Variants in FTO observed in about 807,000 individuals in gnomAD.
FTO encodes the protein alpha-ketoglutarate-dependent dioxygenase FTO.
A neutral mutation model predicts 63.9 loss-of-function variants in FTO; 47 were observed. That is an observed-to-expected ratio of 0.74 (90% confidence interval 0.58 to 0.94). The LOEUF (loss-of-function observed/expected upper bound fraction) is 0.94. Ranked by LOEUF, FTO falls within the 40% of genes least tolerant of loss-of-function variation. The probability of loss-of-function intolerance (pLI) is 0.00; values close to 1 mark genes in which losing one functional copy is unlikely to be tolerated. For missense variants in FTO, 562 were observed against 618.1 expected (o/e 0.91, Z 0.96); for synonymous variants, 207 against 224.4 (o/e 0.92, Z 0.69).
chr16:54,012,597 C>G (rs1199579854), intron 8 of FTO, among the ~76,000 whole-genome samples: 3 of 152,122 alleles, frequency 2.0e-5, no homozygotes, highest in Non-Finnish European at 4.4e-5. Context: ...AATGCCTGAC[C>G]TCAAAGCTTC....
intron 7 of FTO, among the ~76,000 whole-genome samples, chr16:53,928,207 A>T (rs570296679): frequency 8.5e-5 from 13 of 152,232 alleles, no homozygotes; most frequent in African/African-American, 2.6e-4. Flanking sequence ...TTCTATTGAA[A>T]AAAAGTACTA....
chr16:54,048,236 A>G (rs2085227296), intron 8 of FTO, among the ~76,000 whole-genome samples: 4 of 136,786 alleles, frequency 2.9e-5, no homozygotes. Flanking sequence ...AAAATAAAAA[A>G]TAAAAAAATA....
chr16:54,073,697 C>T (rs1190375829), intron 8 of FTO, among the ~76,000 whole-genome samples: 1 of 151,982 alleles, frequency 6.6e-6, no homozygotes, highest in Non-Finnish European at 1.5e-5. Context: ...CTCCTCCCAC[C>T]TCAGCCTCCC....
chr16:53,941,029 G>A (rs1015566809), intron 8 of FTO, among the ~76,000 whole-genome samples: 8 of 152,100 alleles, frequency 5.3e-5, no homozygotes, highest in East Asian at 1.9e-4. Context: ...AACTTTGATC[G>A]GGGCTCAACA....
At chr16:53,992,613 T>C (rs1202003841) in intron 8 of FTO, 1 of 152,146 alleles carries the variant, frequency 6.6e-6, no homozygotes, top group African/African-American at 2.4e-5. Flanking sequence ...ACAGTGGTTG[T>C]TCCCTCTCGG....
At chr16:54,020,568 G>T (rs1446312309) in intron 8 of FTO, among the ~76,000 whole-genome samples, 1 of 148,890 alleles carries the variant, frequency 6.7e-6, no homozygotes. Flanking sequence ...TGGGAAAAAT[G>T]ACTTGAATCA....
intron 1 of FTO, among the ~76,000 whole-genome samples, chr16:53,785,276 C>T (rs2077704702): frequency 6.6e-6 from 1 of 152,056 alleles, no homozygotes; most frequent in Non-Finnish European, 1.5e-5. Flanking sequence ...ACTGCATATT[C>T]CCAGTAATTG....
chr16:54,065,473 T>A (rs1235291443), intron 8 of FTO, among the ~76,000 whole-genome samples: 2 of 152,158 alleles, frequency 1.3e-5, no homozygotes, highest in African/African-American at 4.8e-5. Flanking sequence ...CCACAGTTAC[T>A]CATTCTGCTG....
chr16:53,838,313 G>A (rs186174167), intron 3 of FTO, among the ~76,000 whole-genome samples: 3 of 152,236 alleles, frequency 2.0e-5, no homozygotes, highest in Admixed American at 6.5e-5. Flanking sequence ...TCACAAGGGT[G>A]GGAATCTTCT....
chr16:53,894,801 G>C (rs1287471436), intron 7 of FTO, among the ~76,000 whole-genome samples: 1 of 152,072 alleles, frequency 6.6e-6, no homozygotes, highest in South Asian at 2.1e-4. Context: ...GATGTCTAGT[G>C]GTTTTAAATT....
At chr16:54,088,582 A>G (rs1250047791) in intron 8 of FTO, among the ~76,000 whole-genome samples, 2 of 152,212 alleles carry the variant, frequency 1.3e-5, no homozygotes, top group Non-Finnish European at 2.9e-5. Flanking sequence ...AAAAACAACT[A>G]TGAGATATTT....
intron 8 of FTO, among the ~76,000 whole-genome samples, chr16:54,110,452 A>G (rs1338683739): frequency 6.6e-6 from 1 of 152,230 alleles, no homozygotes; most frequent in Non-Finnish European, 1.5e-5. Context: ...AGCTGAAGAT[A>G]TATTAGAATG....
Position 53,780,084 on chromosome 16 carries a change from C to T in FTO, c.46-30056C>T, listed in dbSNP as rs565401439. Among the ~76,000 whole-genome samples, 3 of 152,300 alleles carry T rather than the reference C, an allele frequency of 2.0e-5. No homozygotes were observed. In the South Asian group the frequency reaches 6.2e-4, roughly 32 times the overall value. On this transcript the variant is annotated intron_variant, in intron 1 of 8. Coordinates refer to ENST00000471389, the MANE Select transcript of FTO (RefSeq NM_001080432.3). The stretch of plus-strand genomic sequence containing the variant: ...TGATGTCACCTCACTGCCTATAAGA[C>T]TCTTCAGTGACTTAATGACAAACAG...
intron 1 of FTO, among the ~76,000 whole-genome samples, chr16:53,807,268 C>T (rs893535608): frequency 6.6e-6 from 1 of 152,128 alleles, no homozygotes; most frequent in Admixed American, 6.6e-5. Context: ...CAACAGTACT[C>T]ACAGGATTAA....
At chr16:54,089,588 G>GA (rs1224060475) in intron 8 of FTO, among the ~76,000 whole-genome samples, 1 of 152,004 alleles carries the variant, frequency 6.6e-6, no homozygotes, top group Non-Finnish European at 1.5e-5. Flanking sequence ...CTACCAAGGT[G>GA]AAAAAAATAG....
chr16:53,961,704 A>G (rs1006973084), intron 8 of FTO, among the ~76,000 whole-genome samples: 8 of 152,268 alleles, frequency 5.3e-5, no homozygotes, highest in African/African-American at 1.7e-4. Flanking sequence ...CTTTTAAAAT[A>G]CACTTTCGCT....
intron 3 of FTO, among the ~76,000 whole-genome samples, chr16:53,834,358 G>A (rs752312856): frequency 1.3e-5 from 2 of 152,114 alleles, no homozygotes; most frequent in African/African-American, 2.4e-5. Context: ...TGATGAGCAC[G>A]GGATCAGAGA....
intron 8 of FTO, among the ~76,000 whole-genome samples, chr16:53,970,648 A>G (rs150652864): frequency 6.6e-6 from 1 of 152,044 alleles, no homozygotes; most frequent in Non-Finnish European, 1.5e-5. Flanking sequence ...GGTGGTGGGT[A>G]TGGCAAACAG....
intron 1 of FTO, among the ~76,000 whole-genome samples, chr16:53,757,547 A>G (rs1384340312): frequency 6.6e-6 from 1 of 151,418 alleles, no homozygotes; most frequent in Non-Finnish European, 1.5e-5. Flanking sequence ...ATGTGTGTAT[A>G]TATGAATACA....
Sources: allele counts gnomAD v4.1 joint callset (sites outside exome capture counted in the v4.1 genomes callset), GRCh38; gene constraint gnomAD v4.1.1; transcripts MANE v1.5; gene names NCBI Gene and HGNC (gene_info 2026-07-23, HGNC 2026-07-21).